Variants in CHGB observed in about 807,000 individuals in gnomAD.
CHGB encodes chromogranin B.
A neutral mutation model predicts 69.9 loss-of-function variants in CHGB; 46 were observed. The ratio of observed to expected loss-of-function variants is 0.66; its 90% CI spans 0.52 to 0.84. The LOEUF (loss-of-function observed/expected upper bound fraction) is 0.84, where lower values mean the gene tolerates loss of function less well. Among genes scored for constraint, CHGB ranks in the 40% least tolerant of loss-of-function variants. The pLI, the probability that CHGB is intolerant of heterozygous loss-of-function variation, is 0.00. For missense variants in CHGB, 796 were observed against 822.2 expected, an observed-to-expected ratio of 0.97 and a Z score of 0.39; for synonymous variants, 312 against 298.2, an observed-to-expected ratio of 1.05 and a Z score of -0.48.
rs902224351 is a variant in CHGB, at chr20:5,925,230, T to C, written c.*181T>C. 3 of 493,596 alleles carry C rather than the reference T, an allele frequency of 6.1e-6. No individual in the cohort carries two copies. The highest frequency in any genetic ancestry group is 4.0e-5 in the African/African-American group (2 of 50,404). The allele number at this position is 493,596 out of a possible 1,614,324, so 30.6% of individuals were successfully genotyped here. ...GTCAGAATGCTATTGAAAATGTGAA[T>C]TGCATGACTTGTAGCATATTCTTTT... On this transcript the variant is annotated 3_prime_UTR_variant, in exon 5 of 5. Transcript: ENST00000378961.
In CHGB at chr20:5,916,358, C is replaced by A. The variant is rs1446403942; in HGVS notation, c.82C>A (p.His28Asn). ...TTCCATGCCAGTGGATAACAGGAAC[C>A]ACAATGAAGGAATGGTAAGTTGCAA... is the stretch of plus-strand genomic sequence containing the variant. ...VNSMPVDNRN[H>N]NEGMVTRCII... Residue 28 changes from histidine (H) to asparagine (N), a missense_variant, in exon 2 of 5, where the codon CAC (histidine) becomes AAC (asparagine). His to Asn is a moderately conservative substitution (Grantham distance 68, BLOSUM62 1). This residue lies in a region of CHGB where 518 missense variants were observed against 506.3 expected (regional missense o/e 1.02). Coordinates refer to ENST00000378961, the MANE Select transcript of CHGB (RefSeq NM_001819.3). The A allele has an allele frequency of 6.2e-6, 10 of 1,613,214 alleles. No homozygotes were observed. The highest frequency in any genetic ancestry group is 1.7e-4 in the Middle Eastern group (1 of 6,058).
At chr20:5,918,255 G>A (rs1010545945) in intron 3 of CHGB, among the ~76,000 whole-genome samples, 14 of 151,592 alleles carry the variant, frequency 9.2e-5, no homozygotes, top group South Asian at 2.1e-4. Flanking sequence ...GGTGGCGGGC[G>A]CCTGTAATCC....
At position 5,923,030 on chromosome 20, in the gene CHGB, G is replaced by A. The variant is rs753093809; in HGVS notation, c.886G>A (p.Gly296Arg). ...GAGCAGGCCCGACAGGTCCTCTCAA[G>A]GAGGGAGTCTTCCCTCTGAGGAAAA... Reference protein sequence around the residue: ...GRSRPDRSSQGGSLPSEEKGH... With the variant: ...GRSRPDRSSQRGSLPSEEKGH... Residue 296 changes from glycine (G) to arginine (R), a missense_variant, in exon 4 of 5, where the codon GGA (glycine) becomes AGA (arginine). Transcript: ENST00000378961. The A allele has an allele frequency of 4.1e-5, 66 of 1,613,102 alleles. No homozygotes were observed. Among genetic ancestry groups the A allele is most frequent in the Admixed American group, 1.8e-4 (11 of 59,824 alleles).
Position 5,923,134 on chromosome 20 carries a change from C to T in CHGB, c.990C>T (p.Thr330=), listed in dbSNP as rs776721408. The change falls in exon 4 of 5, where the codon ACC becomes ACT. Residue 330 remains threonine, a synonymous_variant. Coordinates refer to ENST00000378961, the MANE Select transcript of CHGB (RefSeq NM_001819.3). ...GGGAAAAGAGGGACCACCATTCAAC[C>T]CACTACAGGGCTTCAGAGGAAGAAC... The part of the protein sequence containing the change: ...SLGEKRDHHS[T]HYRASEEEPE... 5 of 1,614,138 alleles carry T rather than the reference C, an allele frequency of 3.1e-6. No individual in the cohort carries two copies. The highest frequency in any genetic ancestry group is 4.2e-6 in the Non-Finnish European group (5 of 1,180,034).
chr20:5,913,272 G>GCAGATTGTGCAACTATTACCA (rs2088456412), intron 1 of CHGB, among the ~76,000 whole-genome samples: 1 of 151,898 alleles, frequency 6.6e-6, no homozygotes, highest in Non-Finnish European at 1.5e-5. Flanking sequence ...TGGTATATTC[G>GCAGATTGTGCAACTATTACCA]CAGATTGTGC....
Position 5,923,836 on chromosome 20 carries a change from A to G in CHGB, c.1692A>G (p.Pro564=), listed in dbSNP as rs759433238. ...CCTTGAACGAGAAGAATTTCTTCCC[A>G]GAATACAACTATGACTGGTGGGAGA... ...ELTLNEKNFF[P]EYNYDWWEKK... Residue 564 remains proline, a synonymous_variant, in exon 4 of 5, where the codon CCA becomes CCG. Transcript: ENST00000378961. The G allele has an allele frequency of 2.5e-6, 4 of 1,614,252 alleles. No individual in the cohort carries two copies. Among genetic ancestry groups the G allele is most frequent in the Non-Finnish European group, 3.4e-6 (4 of 1,180,038 alleles).
chr20:5,912,738 GT>G (rs2088453729), intron 1 of CHGB, among the ~76,000 whole-genome samples: 1 of 151,988 alleles, frequency 6.6e-6, no homozygotes, highest in Non-Finnish European at 1.5e-5. Flanking sequence ...TAAACTACAG[GT>G]TTTCTTCAGC....
chr20:5,923,288 G>A lies in CHGB; in HGVS notation c.1144G>A (p.Asp382Asn), dbSNP rs747947199. Residue 382 changes from aspartate (D) to asparagine (N), a missense_variant, in exon 4 of 5, where the codon GAT becomes AAT. Asp to Asn is a conservative substitution (Grantham distance 23). Around this residue, in one of 3 missense-constraint regions of CHGB, gnomAD observed 518 missense variants for 506.3 expected, o/e 1.02. Transcript: ENST00000378961. ...AAGACCTCAGAGTGAGGAGAGTTGG[G>A]ATGAGGAGGACAAGAGAAACTACCC... ...APRPQSEESW[D>N]EEDKRNYPSL... 4 of 1,613,654 alleles carry A rather than the reference G, an allele frequency of 2.5e-6. No individual in the cohort carries two copies. In the South Asian group the frequency reaches 3.3e-5, roughly 13 times the overall value.
In CHGB at chr20:5,916,817, TC is replaced by T. The variant is rs763029064; in HGVS notation, c.97-3del. Reference sequence around the variant, plus strand: ...AGCTTCTCCAACCTGCTTTCGGGTTTCCCCCCAGGTGACTCGCTGCATCATT... The same window carrying T: ...AGCTTCTCCAACCTGCTTTCGGGTTTCCCCCAGGTGACTCGCTGCATCATT... On this transcript the variant is annotated splice_polypyrimidine_tract_variant and splice_region_variant and intron_variant, in intron 2 of 4. Transcript: ENST00000378961. 2 of 1,613,978 alleles carry T rather than the reference TC, an allele frequency of 1.2e-6. No homozygotes were observed. The highest frequency in any genetic ancestry group is 1.7e-5 in the Admixed American group (1 of 60,014).
intron 3 of CHGB, 39 bp from the exon 4 acceptor site, chr20:5,922,286 GAACCACAAGC>G: frequency 6.7e-7 from 1 of 1,495,516 alleles, no homozygotes; most frequent in Non-Finnish European, 8.9e-7. Flanking sequence ...GGTGCTTGTG[GAACCACAAGC>G]AATTCTGAAA....
intron 2 of CHGB, 42 bp downstream of exon 2, chr20:5,916,414 G>T: frequency 6.6e-7 from 1 of 1,525,784 alleles, no homozygotes; most frequent in Non-Finnish European, 9.1e-7. Flanking sequence ...CTTGTGTCTA[G>T]ACTCTAGATT....
At chr20:5,920,543 CTCTT>C (rs1207302649) in intron 3 of CHGB, among the ~76,000 whole-genome samples, 1 of 152,202 alleles carries the variant, frequency 6.6e-6, no homozygotes, top group African/African-American at 2.4e-5. Flanking sequence ...CAGAAATCAT[CTCTT>C]TCTCATATCT....
intron 3 of CHGB, among the ~76,000 whole-genome samples, chr20:5,921,739 A>T (rs1208632457): frequency 6.6e-6 from 1 of 152,220 alleles, no homozygotes. Context: ...ACTAAGTTAT[A>T]TATCACATAC....
chr20:5,913,704 A>G lies in CHGB; in HGVS notation c.49+2022A>G, dbSNP rs1227728951. Among the ~76,000 whole-genome samples, 3 of 138,050 alleles carry G rather than the reference A, an allele frequency of 2.2e-5. No homozygotes were observed. In the East Asian group the frequency reaches 6.2e-4, roughly 29 times the overall value. The allele number at this position is 138,050 out of a possible 152,430, so 90.6% of individuals were successfully genotyped here. ...GAGTGCGGTGGTGCAATCTCAGCTC[A>G]CTGCAACCTCCATCTCCCGGGCTCA... is the stretch of plus-strand genomic sequence containing the variant. On this transcript the variant is annotated intron_variant, in intron 1 of 4. Coordinates refer to ENST00000378961, the MANE Select transcript of CHGB (RefSeq NM_001819.3).
At chr20:5,920,651 G>A (rs1290775854) in intron 3 of CHGB, among the ~76,000 whole-genome samples, 2 of 152,154 alleles carry the variant, frequency 1.3e-5, no homozygotes, top group African/African-American at 2.4e-5. Flanking sequence ...ATCACATTGA[G>A]GATTAGGGCT....
Position 5,923,424 on chromosome 20 carries a change from G to C in CHGB, c.1280G>C (p.Arg427Pro). 6.2e-7 allele frequency: 1 copy of C among 1,614,080 alleles called. No individual in the cohort carries two copies. Among genetic ancestry groups the C allele is most frequent in the Non-Finnish European group, 8.5e-7 (1 of 1,179,996 alleles). The change falls in exon 4 of 5, where the codon CGT (arginine) becomes CCT (proline). Residue 427 changes from arginine (R) to proline (P), a missense_variant. Physicochemically the swap from Arg to Pro is moderately radical, Grantham distance 103. Transcript: ENST00000378961. Reference protein sequence around the residue: ...RHHRGRGGEPRAYFMSDTREE... With the variant: ...RHHRGRGGEPPAYFMSDTREE... ...CACAGAGGCAGGGGAGGGGAGCCACGTGCCTATTTCATGTCTGACACCAGA... is the reference window on the plus strand; with the variant it reads ...CACAGAGGCAGGGGAGGGGAGCCACCTGCCTATTTCATGTCTGACACCAGA...
In CHGB at chr20:5,922,953, C is replaced by G; in HGVS notation, c.809C>G (p.Ala270Gly). Residue 270 changes from alanine (A) to glycine (G), a missense_variant, in exon 4 of 5, where the codon GCC becomes GGC. Around this residue, in one of 3 missense-constraint regions of CHGB, gnomAD observed 518 missense variants for 506.3 expected, o/e 1.02. Coordinates refer to ENST00000378961, the MANE Select transcript of CHGB (RefSeq NM_001819.3). Reference protein sequence around the residue: ...QEESEEGEEDATSEVDKRRTR... With the variant: ...QEESEEGEEDGTSEVDKRRTR... ...GAATCTGAGGAAGGTGAGGAAGATG[C>G]CACCTCTGAGGTGGACAAACGACGC... The G allele has an allele frequency of 6.2e-7, 1 of 1,610,598 alleles. No individual in the cohort carries two copies. The highest frequency in any genetic ancestry group is 8.5e-7 in the Non-Finnish European group (1 of 1,178,412).
Position 5,922,404 on chromosome 20 carries a change from G to C in CHGB, c.260G>C (p.Arg87Thr). Residue 87 changes from arginine to threonine, a missense_variant, in exon 4 of 5, where the codon AGA becomes ACA. Physicochemically the swap from Arg to Thr is moderately conservative, Grantham distance 71 (BLOSUM62 -1). Coordinates refer to ENST00000378961, the MANE Select transcript of CHGB (RefSeq NM_001819.3). ...ENTKFEVRLL[R>T]DPADASEAHE... ...ACAAAGTTTGAAGTAAGATTGTTAAGAGACCCAGCTGATGCCTCGGAAGCC... is the reference window on the plus strand; with the variant it reads ...ACAAAGTTTGAAGTAAGATTGTTAACAGACCCAGCTGATGCCTCGGAAGCC... 1 of 1,603,288 alleles carries C rather than the reference G, an allele frequency of 6.2e-7. No homozygotes were observed. Among genetic ancestry groups the C allele is most frequent in the Non-Finnish European group, 8.5e-7 (1 of 1,172,036 alleles).
At chr20:5,918,158 A>AAAAAACAAAAC (rs2088489490) in intron 3 of CHGB, among the ~76,000 whole-genome samples, 1 of 141,974 alleles carries the variant, frequency 7.0e-6, no homozygotes, top group African/African-American at 3.0e-5. Flanking sequence ...TAAAAAAAAA[A>AAAAAACAAAAC]AAAAAAAAAA....
Sources: allele counts gnomAD v4.1 joint callset (sites outside exome capture counted in the v4.1 genomes callset), GRCh38; gene constraint gnomAD v4.1.1; regional missense constraint gnomAD v4.1.1; transcripts MANE v1.5; gene names NCBI Gene and HGNC (gene_info 2026-07-23, HGNC 2026-07-21).